The following CDC73 variants were observed in gnomAD, a reference collection of about 807,000 sequenced individuals.
The protein encoded by CDC73 is parafibromin.
In CDC73, 21 loss-of-function variants were observed where a neutral mutation model predicts 83.7. That is an observed-to-expected ratio of 0.25 (90% CI 0.18 to 0.36). CDC73 has a LOEUF of 0.36. CDC73 is among the 10% of genes least tolerant of loss of function. The pLI, the probability that CDC73 is intolerant of heterozygous loss-of-function variation, is 1.00. For missense variants in CDC73, 342 were observed against 653.3 expected (o/e 0.52, Z 5.19); for synonymous variants, 224 against 212.9 (o/e 1.05, Z -0.45).
chr1:193,201,814 T>C (rs952867162), intron 10 of CDC73, among the ~76,000 whole-genome samples: 10 of 152,200 alleles, frequency 6.6e-5, no homozygotes, highest in African/African-American at 2.4e-4. Context: ...CTCTTTGTTA[T>C]ATAATACAGG....
chr1:193,235,492 T>G (rs868222497), intron 14 of CDC73, among the ~76,000 whole-genome samples: 1 of 152,200 alleles, frequency 6.6e-6, no homozygotes, highest in Non-Finnish European at 1.5e-5. Context: ...AATGTTGTTG[T>G]TTTGTTCCCA....
Position 193,211,935 on chromosome 1 carries a change from A to G in CDC73, c.1031-130A>G, listed in dbSNP as rs1252458429. ...ACAGTGTTGAGAAGATAGTTGTAAA[A>G]AAAGTCTTCTGATTTACAGTTAGTC... On this transcript the variant is annotated intron_variant, in intron 11 of 16. Transcript: ENST00000367435. The G allele has an allele frequency of 4.3e-6, 3 of 697,190 alleles. No individual in the cohort carries two copies. The Admixed American group carries it at 7.7e-5, about 18-fold the overall frequency. 43.2% of individuals were successfully genotyped at this position (697,190 alleles called of 1,614,324 possible).
chr1:193,143,939 G>T (rs555712498), intron 7 of CDC73, among the ~76,000 whole-genome samples: 6 of 151,852 alleles, frequency 4.0e-5, no homozygotes, highest in Non-Finnish European at 7.4e-5. Flanking sequence ...GTGAAACCCT[G>T]TCTCTACTAA....
chr1:193,212,312 A>G, intron 12 of CDC73, 78 bp from the exon 13 acceptor site: 1 of 978,846 alleles, frequency 1.0e-6, no homozygotes, highest in Non-Finnish European at 1.5e-6. Flanking sequence ...TACAATTTAT[A>G]ATCTTTTAAC....
intron 11 of CDC73, among the ~76,000 whole-genome samples, 200 bp downstream of exon 11, chr1:193,204,052 A>G (rs529602330): frequency 6.6e-6 from 1 of 152,128 alleles, no homozygotes; most frequent in African/African-American, 2.4e-5. Flanking sequence ...GCTAAACTTC[A>G]GTCAGCATCA....
intron 7 of CDC73, 146 bp from the exon 8 acceptor site, chr1:193,147,721 G>A: frequency 1.5e-6 from 1 of 645,698 alleles, no homozygotes. Context: ...GTAGTGGTTG[G>A]TTTTTACATA....
At chr1:193,152,839 G>A (rs1322568717) in intron 10 of CDC73, among the ~76,000 whole-genome samples, 2 of 152,038 alleles carry the variant, frequency 1.3e-5, no homozygotes, top group Non-Finnish European at 2.9e-5. Flanking sequence ...GAGTGCAGTG[G>A]TGCGATCTCG....
intron 10 of CDC73, among the ~76,000 whole-genome samples, chr1:193,199,949 A>T (rs570808392): frequency 6.0e-4 from 91 of 152,026 alleles, no homozygotes; most frequent in South Asian, 5.4e-3. Context: ...TGTTTTCTTC[A>T]TAAAAACTTT....
rs79598234 is a variant in CDC73 at position 193,142,127 on chromosome 1, T to A, written c.729+61T>A. ...AGAGAGAGAGAGAGAGTGCGTTTAA[T>A]CTGTGGTTATAGAATTGGTTAAACT... On this transcript the variant is annotated intron_variant, in intron 7 of 16. Coordinates refer to ENST00000367435, the MANE Select transcript of CDC73 (RefSeq NM_024529.5). 4.3e-3 allele frequency: 5,837 copies of A among 1,342,180 alleles called. 192 individuals carry two copies. In the African/African-American group the frequency reaches 0.073, roughly 17 times the overall value. The allele number at this position is 1,342,180 out of a possible 1,614,324, so 83.1% of individuals were successfully genotyped here. A position where few individuals can be genotyped will look rare whatever the true frequency, so the allele number is the denominator to read the frequency against.
At chr1:193,123,038 T>C (rs1001806097) in intron 1 of CDC73, among the ~76,000 whole-genome samples, 2 of 152,174 alleles carry the variant, frequency 1.3e-5, no homozygotes, top group African/African-American at 4.8e-5. Context: ...TCAGTTTAAG[T>C]CATTCAGGAA....
At chr1:193,165,220 G>A (rs1024665506) in intron 10 of CDC73, among the ~76,000 whole-genome samples, 7 of 152,156 alleles carry the variant, frequency 4.6e-5, no homozygotes, top group Non-Finnish European at 7.4e-5. Context: ...ATTACAGGTT[G>A]ATAGTCAAAT....
Position 193,212,082 on chromosome 1 carries a change from C to G in CDC73, c.1048C>G (p.Pro350Ala), listed in dbSNP as rs773264613. 4 of 1,585,010 alleles carry G rather than the reference C, an allele frequency of 2.5e-6. No homozygotes were observed. In the South Asian group the frequency reaches 4.5e-5, roughly 18 times the overall value. ...VPRPVSQARP[P>A]PNQKKGSRTP... ...TTTCACAGTTTCTCAAGCAAGACCT[C>G]CCCCAAATCAGAAGAAAGGTGAGGT... Residue 350 changes from proline (P) to alanine (A), a missense_variant, in exon 12 of 17, where the codon CCC becomes GCC. This residue lies in a region of CDC73 where 239 missense variants were observed against 420.6 expected (regional missense o/e 0.57). Coordinates refer to ENST00000367435, the MANE Select transcript of CDC73 (RefSeq NM_024529.5).
At chr1:193,156,688 T>G (rs934663297) in intron 10 of CDC73, among the ~76,000 whole-genome samples, 1 of 152,128 alleles carries the variant, frequency 6.6e-6, no homozygotes, top group Non-Finnish European at 1.5e-5. Context: ...AATTTGTTGT[T>G]CATCTCTGCT....
chr1:193,212,161 C>T, intron 12 of CDC73, 61 bp downstream of exon 12: 5 of 1,344,840 alleles, frequency 3.7e-6, no homozygotes, highest in Non-Finnish European at 5.2e-6. Context: ...CAAAACCAGG[C>T]CTGATAATTT....
chr1:193,162,426 G>A (rs1473949609), intron 10 of CDC73, among the ~76,000 whole-genome samples: 1 of 148,004 alleles, frequency 6.8e-6, no homozygotes, highest in Admixed American at 7.0e-5. Context: ...AGGCTGGAGT[G>A]CAGTGGCATG....
chr1:193,229,054 T>C (rs1013680161), intron 13 of CDC73, among the ~76,000 whole-genome samples: 1 of 152,214 alleles, frequency 6.6e-6, no homozygotes, highest in African/African-American at 2.4e-5. Flanking sequence ...ATTAAAATGA[T>C]GTTGAGATAC....
intron 15 of CDC73, chr1:193,236,673 T>A (rs953570171): frequency 1.5e-5 from 5 of 344,584 alleles, no homozygotes; most frequent in Non-Finnish European, 2.8e-5. Flanking sequence ...GGCAGGTGGA[T>A]CACCTTAGGT....
intron 10 of CDC73, among the ~76,000 whole-genome samples, chr1:193,194,178 A>T (rs541908526): frequency 1.5e-4 from 23 of 152,306 alleles, no homozygotes; most frequent in African/African-American, 5.1e-4. Flanking sequence ...AGTTAATTGC[A>T]CATTCAAGGT....
intron 10 of CDC73, among the ~76,000 whole-genome samples, chr1:193,185,611 A>G (rs1371488956): frequency 6.6e-6 from 1 of 152,076 alleles, no homozygotes; most frequent in African/African-American, 2.4e-5. Flanking sequence ...ATGAAATTTC[A>G]CTGCATTGTG....
Sources: gnomAD v4.1 joint callset for allele counts (sites outside exome capture counted in the v4.1 genomes callset) on GRCh38, gnomAD v4.1.1 for gene constraint, gnomAD v4.1.1 regional missense constraint, MANE v1.5 for transcripts, NCBI Gene and HGNC (gene_info 2026-07-23, HGNC 2026-07-21) for gene names.